The following HS2ST1 variants were observed in gnomAD, a reference collection of about 807,000 sequenced individuals.
The protein encoded by HS2ST1 is 2-O-sulfotransferase.
HS2ST1 carries 18 observed loss-of-function variants against 42.9 expected under a neutral mutation model. The observed-to-expected ratio is 0.42, with a 90% CI of 0.29 to 0.62. The LOEUF (loss-of-function observed/expected upper bound fraction) is 0.62, where lower values mean the gene tolerates loss of function less well. Ranked by LOEUF, HS2ST1 falls within the 20% of genes least tolerant of loss-of-function variation. The pLI, the probability that HS2ST1 is intolerant of heterozygous loss-of-function variation, is 0.21. For missense variants in HS2ST1, 334 were observed against 433.8 expected (o/e 0.77, Z 2.04); for synonymous variants, 146 against 152.9 (o/e 0.95, Z 0.33).
intron 1 of HS2ST1, among the ~76,000 whole-genome samples, chr1:86,975,417 T>G (rs1033168360): frequency 1.3e-5 from 2 of 152,096 alleles, no homozygotes; most frequent in Admixed American, 1.3e-4. Context: ...TGAGATAAAA[T>G]TATTTGGTAG....
intron 1 of HS2ST1, among the ~76,000 whole-genome samples, chr1:86,976,704 G>GTATGTGTATATA (rs1553134338): frequency 5.0e-5 from 4 of 79,662 alleles, no homozygotes; most frequent in African/African-American, 1.4e-4. Flanking sequence ...TTATAAAATT[G>GTATGTGTATATA]TATATATATA....
At chr1:87,045,471 C>G (rs543330169) in intron 1 of HS2ST1, 1 of 1,055,620 alleles carries the variant, frequency 9.5e-7, no homozygotes, top group East Asian at 2.4e-5. Context: ...AAGGTGAGAA[C>G]AGTCACTTTA....
intron 1 of HS2ST1, among the ~76,000 whole-genome samples, chr1:87,014,138 C>T (rs1180979059): frequency 2.0e-5 from 3 of 152,170 alleles, no homozygotes; most frequent in South Asian, 2.1e-4. Flanking sequence ...CCCACTACCT[C>T]AGTAACAATT....
intron 1 of HS2ST1, among the ~76,000 whole-genome samples, chr1:86,966,353 G>T (rs1648046766): frequency 6.6e-6 from 1 of 151,828 alleles, no homozygotes; most frequent in African/African-American, 2.4e-5. Flanking sequence ...TCTGTTCTTT[G>T]GTACTTTTCC....
intron 1 of HS2ST1, among the ~76,000 whole-genome samples, chr1:86,918,168 G>C (rs770768747): frequency 6.6e-6 from 1 of 151,666 alleles, no homozygotes; most frequent in Non-Finnish European, 1.5e-5. Context: ...TCAAAACTGA[G>C]GTGTACTCAT....
At chr1:86,958,943 CAATT>C (rs1421525805) in intron 1 of HS2ST1, among the ~76,000 whole-genome samples, 1 of 152,166 alleles carries the variant, frequency 6.6e-6, no homozygotes, top group East Asian at 1.9e-4. Context: ...ATGTGGAAAT[CAATT>C]CATGTAATCG....
chr1:87,037,861 A>G (rs1188562329), intron 1 of HS2ST1, among the ~76,000 whole-genome samples: 3 of 152,018 alleles, frequency 2.0e-5, no homozygotes, highest in Non-Finnish European at 2.9e-5. Context: ...GCTATGTAGC[A>G]TATATCTATA....
chr1:86,962,567 T>A (rs1342922906), intron 1 of HS2ST1, among the ~76,000 whole-genome samples: 6 of 152,196 alleles, frequency 3.9e-5, no homozygotes, highest in African/African-American at 1.4e-4. Flanking sequence ...ATTGAGATAA[T>A]GCAGATAATT....
intron 1 of HS2ST1, among the ~76,000 whole-genome samples, chr1:87,007,207 GT>G (rs920919566): frequency 3.3e-5 from 5 of 151,610 alleles, no homozygotes; most frequent in East Asian, 1.9e-4. Flanking sequence ...ACTTGTTCTA[GT>G]TTTTTTTAAA....
intron 1 of HS2ST1, among the ~76,000 whole-genome samples, chr1:87,020,087 A>G (rs1223805168): frequency 2.0e-5 from 3 of 152,230 alleles, no homozygotes; most frequent in African/African-American, 4.8e-5. Context: ...AGAGCTGGAG[A>G]TGTTATTTTG....
intron 1 of HS2ST1, among the ~76,000 whole-genome samples, chr1:86,961,261 A>G (rs1174166369): frequency 6.6e-6 from 1 of 152,106 alleles, no homozygotes; most frequent in Non-Finnish European, 1.5e-5. Context: ...TCCTTGAACT[A>G]TACAAGCAAT....
chr1:87,025,399 G>A (rs1650058578), intron 1 of HS2ST1, among the ~76,000 whole-genome samples: 1 of 152,206 alleles, frequency 6.6e-6, no homozygotes, highest in African/African-American at 2.4e-5. Context: ...TCCCTCTAGT[G>A]TTCCTTATTG....
At chr1:86,943,055 A>C (rs1231642604) in intron 1 of HS2ST1, among the ~76,000 whole-genome samples, 1 of 152,194 alleles carries the variant, frequency 6.6e-6, no homozygotes, top group Non-Finnish European at 1.5e-5. Flanking sequence ...ATGACCTTTA[A>C]GATCTAAAAT....
At position 87,104,664 on chromosome 1, in the gene HS2ST1, T is replaced by C; in HGVS notation, c.1039T>C (p.Phe347Leu). Residue 347 changes from phenylalanine to leucine, a missense_variant, in exon 7 of 7, where the codon TTC becomes CTC. Phe to Leu is a conservative substitution (Grantham distance 22). Transcript: ENST00000370550. ...GDLYILAQNF[F>L]YEKIYPKSN ...CCTCTACATCCTCGCACAAAACTTT[T>C]TCTATGAAAAGATTTACCCTAAGTC... 6.2e-7 allele frequency: 1 copy of C among 1,612,614 alleles called. No individual in the cohort carries two copies. The highest frequency in any genetic ancestry group is 8.5e-7 in the Non-Finnish European group (1 of 1,178,658).
chr1:87,026,848 G>GA (rs146361645), intron 1 of HS2ST1, among the ~76,000 whole-genome samples: 20,602 of 150,770 alleles, frequency 0.14, 1,474 homozygotes, highest in African/African-American at 0.18. Context: ...TTGATGGGAA[G>GA]AAAAAAAAAC....
At chr1:86,931,849 T>G (rs1660551278) in intron 1 of HS2ST1, among the ~76,000 whole-genome samples, 1 of 152,118 alleles carries the variant, frequency 6.6e-6, no homozygotes, top group East Asian at 1.9e-4. Context: ...ATATTTTGTT[T>G]CTGAGAGGAT....
chr1:87,016,590 A>G (rs914206393), intron 1 of HS2ST1, among the ~76,000 whole-genome samples: 4 of 152,252 alleles, frequency 2.6e-5, no homozygotes, highest in African/African-American at 7.2e-5. Flanking sequence ...TTTGGGTTAT[A>G]TGTAACTGGT....
At chr1:87,014,189 C>A (rs1409137283) in intron 1 of HS2ST1, among the ~76,000 whole-genome samples, 5 of 152,154 alleles carry the variant, frequency 3.3e-5, no homozygotes, top group African/African-American at 1.2e-4. Context: ...TAAAGACATA[C>A]CCGAGACTGG....
At chr1:87,012,213 A>G (rs1649616513) in intron 1 of HS2ST1, among the ~76,000 whole-genome samples, 1 of 152,126 alleles carries the variant, frequency 6.6e-6, no homozygotes, top group South Asian at 2.1e-4. Context: ...CAATATTTGT[A>G]TTAGTCTGTT....
Sources: gnomAD v4.1 joint callset for allele counts (sites outside exome capture counted in the v4.1 genomes callset) on GRCh38, gnomAD v4.1.1 for gene constraint, MANE v1.5 for transcripts, NCBI Gene and HGNC (gene_info 2026-07-23, HGNC 2026-07-21) for gene names.